The following SNTB1 variants were observed in gnomAD, a reference collection of about 807,000 sequenced individuals.
The protein encoded by SNTB1 is beta-1-syntrophin.
Under a neutral mutation model 48.9 loss-of-function variants are expected in SNTB1, and 36 were observed. The ratio of observed to expected loss-of-function variants is 0.74; its 90% confidence interval spans 0.56 to 0.97. The LOEUF (loss-of-function observed/expected upper bound fraction) is 0.97. SNTB1 is among the 50% of genes least tolerant of loss of function. The probability of loss-of-function intolerance (pLI) is 0.00; values close to 1 mark genes in which losing one functional copy is unlikely to be tolerated. For synonymous variants in SNTB1, 299 were observed against 294.6 expected (o/e 1.01, Z -0.15); for missense variants, 786 against 703.4 (o/e 1.12, Z -1.33).
intron 2 of SNTB1, among the ~76,000 whole-genome samples, chr8:120,668,150 A>AGACTCTCAGCTCTGTCTTCCC (rs1212323514): frequency 1.3e-5 from 2 of 152,162 alleles, no homozygotes; most frequent in African/African-American, 2.4e-5. Flanking sequence ...TCGGTCTTCC[A>AGACTCTCAGCTCTGTCTTCCC]GACTCTCAGC....
chr8:120,794,392 C>A (rs1820087682), intron 1 of SNTB1, among the ~76,000 whole-genome samples: 1 of 151,978 alleles, frequency 6.6e-6, no homozygotes, highest in Non-Finnish European at 1.5e-5. Flanking sequence ...TCCTTCACTT[C>A]TTTCAAATGA....
chr8:120,786,587 G>T (rs1030040650), intron 1 of SNTB1, among the ~76,000 whole-genome samples: 9 of 152,156 alleles, frequency 5.9e-5, no homozygotes, highest in African/African-American at 1.9e-4. Flanking sequence ...GTTCAGGCTT[G>T]CATGAGAGGT....
At chr8:120,682,642 T>C (rs1817951359) in intron 2 of SNTB1, among the ~76,000 whole-genome samples, 1 of 152,118 alleles carries the variant, frequency 6.6e-6, no homozygotes, top group Non-Finnish European at 1.5e-5. Context: ...CTTTCTACCA[T>C]AACAAAGTAT....
At chr8:120,645,235 GC>G (rs1210006209) in intron 2 of SNTB1, among the ~76,000 whole-genome samples, 1 of 152,074 alleles carries the variant, frequency 6.6e-6, no homozygotes, top group African/African-American at 2.4e-5. Flanking sequence ...TGAAATCCTT[GC>G]CCATGCCTAT....
intron 2 of SNTB1, among the ~76,000 whole-genome samples, chr8:120,692,462 C>A (rs936660158): frequency 3.9e-5 from 6 of 152,062 alleles, no homozygotes; most frequent in African/African-American, 1.4e-4. Context: ...CTGGCTCGAT[C>A]CCTCGCTTTC....
intron 1 of SNTB1, among the ~76,000 whole-genome samples, chr8:120,710,246 C>T (rs1818441825): frequency 6.6e-6 from 1 of 152,166 alleles, no homozygotes; most frequent in South Asian, 2.1e-4. Flanking sequence ...AAGAAGGGGG[C>T]GGAGGTTGTG....
At chr8:120,635,049 T>C (rs966716174) in intron 2 of SNTB1, among the ~76,000 whole-genome samples, 1 of 152,126 alleles carries the variant, frequency 6.6e-6, no homozygotes, top group African/African-American at 2.4e-5. Context: ...GAGACGGGGT[T>C]TCTCCGTGTT....
At chr8:120,750,574 C>A (rs370265966) in intron 1 of SNTB1, among the ~76,000 whole-genome samples, 16 of 152,054 alleles carry the variant, frequency 1.1e-4, no homozygotes, top group Non-Finnish European at 1.5e-4. Context: ...GTTGCCAATA[C>A]AGTTTGTAAA....
At chr8:120,681,236 G>C (rs189040947) in intron 2 of SNTB1, among the ~76,000 whole-genome samples, 1 of 152,266 alleles carries the variant, frequency 6.6e-6, no homozygotes, top group African/African-American at 2.4e-5. Flanking sequence ...TTCTCTTCGG[G>C]AAAAACGGTG....
intron 4 of SNTB1, among the ~76,000 whole-genome samples, chr8:120,552,103 C>T (rs1815490574): frequency 6.6e-6 from 1 of 152,150 alleles, no homozygotes; most frequent in African/African-American, 2.4e-5. Context: ...AAAGATATGC[C>T]ACTCTCATGG....
intron 2 of SNTB1, among the ~76,000 whole-genome samples, chr8:120,657,637 A>G (rs997239622): frequency 3.3e-5 from 5 of 152,166 alleles, no homozygotes; most frequent in Non-Finnish European, 7.4e-5. Flanking sequence ...GGATTTTTTC[A>G]TCTAATAATC....
intron 2 of SNTB1, among the ~76,000 whole-genome samples, chr8:120,691,307 T>C (rs1818123898): frequency 6.6e-6 from 1 of 152,204 alleles, no homozygotes; most frequent in Non-Finnish European, 1.5e-5. Context: ...TTTCTGGAAA[T>C]GATTAACTGA....
chr8:120,737,999 A>G (rs1263519128), intron 1 of SNTB1, among the ~76,000 whole-genome samples: 1 of 152,108 alleles, frequency 6.6e-6, no homozygotes, highest in Non-Finnish European at 1.5e-5. Flanking sequence ...ATCCTCCCCA[A>G]ATTCACATAT....
In SNTB1 at chr8:120,721,156, A is replaced by G. The variant is rs776950777; in HGVS notation, c.572-27248T>C. Among the ~76,000 whole-genome samples the G allele has an allele frequency of 5.9e-5, 9 of 152,344 alleles. No homozygotes were observed. The South Asian group carries it at 8.3e-4, about 14-fold the overall frequency. Reference sequence around the variant, plus strand: ...ATGGAACCCTAGACTTCTATAAAGTATGCTTTAAGGGATTATACACATATT... The same window carrying G: ...ATGGAACCCTAGACTTCTATAAAGTGTGCTTTAAGGGATTATACACATATT... On this transcript the variant is annotated intron_variant, in intron 1 of 6. Transcript: ENST00000517992.
intron 6 of SNTB1, 36 bp downstream of exon 6, chr8:120,541,774 T>G: frequency 6.9e-7 from 1 of 1,456,712 alleles, no homozygotes; most frequent in Non-Finnish European, 9.4e-7. Flanking sequence ...AATATTAATA[T>G]ATGAAATCAC....
At chr8:120,541,057 T>C (rs1223925806) in intron 6 of SNTB1, 1 of 152,188 alleles carries the variant, frequency 6.6e-6, no homozygotes, top group African/African-American at 2.4e-5. Context: ...AGATGCTATG[T>C]TTTCCTGAAA....
chr8:120,680,195 C>T (rs931745099), intron 2 of SNTB1, among the ~76,000 whole-genome samples: 2 of 152,144 alleles, frequency 1.3e-5, no homozygotes, highest in African/African-American at 2.4e-5. Context: ...CCATAGCATC[C>T]TGTACTTTCC....
rs549770352 is a variant in SNTB1, at chr8:120,808,795, A to AG, written c.571+2477dup. ...CTTGTAGAGGTAGTAACTCTCCACC[A>AG]GGGGGCGCATGTCATGCGGTGGGGT... On this transcript the variant is annotated intron_variant, in intron 1 of 6. Transcript: ENST00000517992. 1.7e-4 allele frequency among the ~76,000 whole-genome samples: 26 copies of AG among 152,224 alleles called. 1 individual carries two copies. Among genetic ancestry groups the AG allele is most frequent in the Non-Finnish European group, 2.4e-4 (16 of 68,020 alleles).
chr8:120,639,917 A>C (rs1321959656), intron 2 of SNTB1, among the ~76,000 whole-genome samples: 8 of 152,144 alleles, frequency 5.3e-5, no homozygotes, highest in Non-Finnish European at 1.5e-5. Flanking sequence ...CTGTGAAGAA[A>C]GTCATTGGTA....
Sources: gnomAD v4.1 joint callset for allele counts (sites outside exome capture counted in the v4.1 genomes callset) on GRCh38, gnomAD v4.1.1 for gene constraint, MANE v1.5 for transcripts, NCBI Gene and HGNC (gene_info 2026-07-23, HGNC 2026-07-21) for gene names.